The following QTMAN variants were observed in gnomAD, a reference collection of about 807,000 sequenced individuals.
QTMAN encodes the protein tRNA-queuosine alpha-mannosyltransferase.
chr2:144,259,116 T>C, the QTMAN span, among the ~76,000 whole-genome samples: 11 of 152,134 alleles, frequency 7.2e-5, no homozygotes, highest in African/African-American at 2.7e-4. Flanking sequence ...TTTCCAATAG[T>C]CTCTGAATGT....
At chr2:143,970,000 A>G in the QTMAN span, among the ~76,000 whole-genome samples, 3 of 152,228 alleles carry the variant, frequency 2.0e-5, no homozygotes, top group African/African-American at 7.2e-5. Context: ...CAAAGCTTAA[A>G]AGACATGAAT....
At chr2:144,307,072 A>C in the QTMAN span, among the ~76,000 whole-genome samples, 1 of 150,294 alleles carries the variant, frequency 6.7e-6, no homozygotes, top group Non-Finnish European at 1.5e-5. Context: ...GAGGCAGGGG[A>C]ATCACTTGAA....
the QTMAN span, among the ~76,000 whole-genome samples, chr2:143,962,621 T>C: frequency 2.0e-5 from 3 of 152,064 alleles, no homozygotes; most frequent in African/African-American, 7.2e-5. Context: ...CTGAAGCCTT[T>C]GTAGGAGTCA....
chr2:144,279,261 T>G, the QTMAN span, among the ~76,000 whole-genome samples: 6 of 150,878 alleles, frequency 4.0e-5, no homozygotes, highest in Admixed American at 6.7e-5. Flanking sequence ...AGGCAGACAG[T>G]GAAAAGACAT....
chr2:144,056,600 C>T, the QTMAN span, among the ~76,000 whole-genome samples: 2 of 152,176 alleles, frequency 1.3e-5, no homozygotes, highest in Non-Finnish European at 2.9e-5. Context: ...CAGAACAGGG[C>T]ATGGGATACA....
chr2:144,108,769 C>G, the QTMAN span, among the ~76,000 whole-genome samples: 1 of 150,884 alleles, frequency 6.6e-6, no homozygotes, highest in Non-Finnish European at 1.5e-5. Context: ...ACACCAATAA[C>G]AGACTAACAG....
the QTMAN span, among the ~76,000 whole-genome samples, chr2:144,241,736 T>A: frequency 6.6e-6 from 1 of 152,178 alleles, no homozygotes; most frequent in African/African-American, 2.4e-5. Context: ...GAAGCTTATC[T>A]TGTTACTATA....
At chr2:143,970,659 C>A in the QTMAN span, 1 of 1,542,982 alleles carries the variant, frequency 6.5e-7, no homozygotes, top group East Asian at 2.2e-5. Flanking sequence ...GTACCTGGGA[C>A]ATCTGTGAAG....
the QTMAN span, among the ~76,000 whole-genome samples, chr2:143,991,357 GA>G: frequency 6.6e-6 from 1 of 152,028 alleles, no homozygotes; most frequent in Non-Finnish European, 1.5e-5. Context: ...TAGCTAGAGA[GA>G]AAACCCTTTT....
chr2:144,001,657 T>C, the QTMAN span, among the ~76,000 whole-genome samples: 1 of 151,878 alleles, frequency 6.6e-6, no homozygotes, highest in Admixed American at 6.6e-5. Context: ...CATCCAATTA[T>C]GGGCCAATTA....
chr2:143,969,881 G>T, the QTMAN span, among the ~76,000 whole-genome samples: 2 of 152,188 alleles, frequency 1.3e-5, no homozygotes, highest in African/African-American at 4.8e-5. Flanking sequence ...CACTTGCTAA[G>T]TGAAAGTAAA....
chr2:144,135,273 G>A, the QTMAN span, among the ~76,000 whole-genome samples: 11 of 152,150 alleles, frequency 7.2e-5, no homozygotes, highest in African/African-American at 2.7e-4. Flanking sequence ...GTTGGATGCT[G>A]CGCAGATGCA....
At chr2:144,215,251 A>ATTT in the QTMAN span, among the ~76,000 whole-genome samples, 8 of 140,036 alleles carry the variant, frequency 5.7e-5, no homozygotes, top group African/African-American at 2.3e-4. Context: ...TTATTTTTTA[A>ATTT]AAAAAAAAAA....
At chr2:144,186,568 A>G in the QTMAN span, among the ~76,000 whole-genome samples, 2 of 152,194 alleles carry the variant, frequency 1.3e-5, no homozygotes, top group Non-Finnish European at 1.5e-5. Context: ...CAAATTCTCC[A>G]TGACAATTCT....
the QTMAN span, among the ~76,000 whole-genome samples, chr2:144,013,627 A>T: frequency 1.7e-3 from 266 of 152,284 alleles, 2 homozygotes; most frequent in African/African-American, 4.9e-3. Flanking sequence ...AGCAGAAAAA[A>T]TATCAACAGT....
At chr2:144,137,379 C>T in the QTMAN span, among the ~76,000 whole-genome samples, 2 of 147,828 alleles carry the variant, frequency 1.4e-5, no homozygotes, top group African/African-American at 5.0e-5. Context: ...TGCTATGTTT[C>T]TTTTTTTTTT....
At chr2:144,257,025 A>G in the QTMAN span, among the ~76,000 whole-genome samples, 1 of 152,014 alleles carries the variant, frequency 6.6e-6, no homozygotes, top group Admixed American at 6.6e-5. Context: ...CAGTGATAGC[A>G]AATAAACTAA....
chr2:144,086,444 A>G, the QTMAN span, among the ~76,000 whole-genome samples: 1 of 152,176 alleles, frequency 6.6e-6, no homozygotes, highest in Non-Finnish European at 1.5e-5. Context: ...CCCACCCTCA[A>G]TAATTTTATG....
the QTMAN span, chr2:144,127,980 A>G: frequency 6.6e-6 from 1 of 152,108 alleles, no homozygotes; most frequent in Non-Finnish European, 1.5e-5. Flanking sequence ...GGACTCAGGG[A>G]TAAAAAGAAG....
Sources: gnomAD v4.1 joint callset for allele counts (sites outside exome capture counted in the v4.1 genomes callset) on GRCh38, gnomAD v4.1.1 for gene constraint, MANE v1.5 for transcripts, NCBI Gene and HGNC (gene_info 2026-07-23, HGNC 2026-07-21) for gene names.